PPP2R2C: variants seen among roughly 807,000 people sequenced by gnomAD.
The protein encoded by PPP2R2C is protein phosphatase 2 regulatory subunit Bgamma, also known as protein phosphatase 2, regulatory subunit B, gamma.
In PPP2R2C, 10 loss-of-function variants were observed where a neutral mutation model predicts 45.3. The ratio of observed to expected loss-of-function variants is 0.22; its 90% confidence interval spans 0.14 to 0.37. The LOEUF is 0.37. Among genes scored for constraint, PPP2R2C ranks in the 10% least tolerant of loss-of-function variants. The pLI, the probability that PPP2R2C is intolerant of heterozygous loss-of-function variation, is 1.00. For missense variants in PPP2R2C, 308 were observed against 619.7 expected, an observed-to-expected ratio of 0.50 and a Z score of 5.34; for synonymous variants, 257 against 245.4, an observed-to-expected ratio of 1.05 and a Z score of -0.44.
rs1553902584 is a variant in PPP2R2C at position 6,472,375 on chromosome 4, G to GGGGGACGGGCGGGGGCGGCC, written c.-166_-147dup. 44 of 1,069,070 alleles carry GGGGGACGGGCGGGGGCGGCC rather than the reference G, an allele frequency of 4.1e-5. No homozygotes were observed. The highest frequency in any genetic ancestry group is 4.9e-5 in the Non-Finnish European group (43 of 883,096). 66.2% of individuals were successfully genotyped at this position (1,069,070 alleles called of 1,614,324 possible). A position where few individuals can be genotyped will look rare whatever the true frequency, so the allele number is the denominator to read the frequency against. On this transcript the variant is annotated 5_prime_UTR_variant, in exon 1 of 9. Coordinates refer to ENST00000382599, the MANE Select transcript of PPP2R2C (RefSeq NM_020416.4). ...GCCCCGAAGGGAGGGCATCGCGGCA[G>GGGGGACGGGCGGGGGCGGCC]GGGGACGGGCGGGGGCGGCCGGGGG...
chr4:6,340,630 T>C (rs966302839), intron 6 of PPP2R2C, among the ~76,000 whole-genome samples: 5 of 151,634 alleles, frequency 3.3e-5, no homozygotes, highest in African/African-American at 1.2e-4. Flanking sequence ...CCACTCACTC[T>C]GCGCACCAGC....
intron 1 of PPP2R2C, among the ~76,000 whole-genome samples, chr4:6,399,722 T>G (rs918178921): frequency 2.0e-5 from 3 of 152,204 alleles, no homozygotes; most frequent in African/African-American, 7.2e-5. Flanking sequence ...CATTCTCGGA[T>G]GCTGAGAAAG....
intron 1 of PPP2R2C, among the ~76,000 whole-genome samples, chr4:6,408,281 G>A (rs1264059314): frequency 6.6e-6 from 1 of 152,196 alleles, no homozygotes; most frequent in African/African-American, 2.4e-5. Flanking sequence ...GGGGCCAAAT[G>A]TTAGATGAGC....
chr4:6,389,357 T>C (rs934397781), intron 1 of PPP2R2C, among the ~76,000 whole-genome samples: 1 of 152,118 alleles, frequency 6.6e-6, no homozygotes, highest in African/African-American at 2.4e-5. Context: ...CCATTAATGA[T>C]CCATCAGGGC....
Position 6,471,304 on chromosome 4 carries a change from G to C in PPP2R2C, c.70+856C>G, listed in dbSNP as rs540983484. On this transcript the variant is annotated intron_variant, in intron 1 of 8. Coordinates refer to ENST00000382599, the MANE Select transcript of PPP2R2C (RefSeq NM_020416.4). This position sits in a 1 kb window ranked among gnomAD's most constrained non-coding sequence, Gnocchi z 5.6. ...CTCCCGGTCCCCATCCTCCATCGGGGTCACTCCGCGGGCCCTGCCTGCGCA... is the reference window on the plus strand; with the variant it reads ...CTCCCGGTCCCCATCCTCCATCGGGCTCACTCCGCGGGCCCTGCCTGCGCA... Among the ~76,000 whole-genome samples, 2 of 152,178 alleles carry C rather than the reference G, an allele frequency of 1.3e-5. No homozygotes were observed. The highest frequency in any genetic ancestry group is 2.9e-5 in the Non-Finnish European group (2 of 68,034).
rs141432843 is a variant in PPP2R2C, at chr4:6,428,393, G to A, written c.70+43767C>T. Among the ~76,000 whole-genome samples, 173 of 152,350 alleles carry A rather than the reference G, an allele frequency of 1.1e-3. 1 individual carries two copies. The highest frequency in any genetic ancestry group is 6.0e-3 in the East Asian group (31 of 5,180). ...CCTTAAGTTTCCAAGGTCCAGCCAA[G>A]TCGATGAAAGCTGATTGCTGGTGAC... On this transcript the variant is annotated intron_variant, in intron 1 of 8. Coordinates refer to ENST00000382599, the MANE Select transcript of PPP2R2C (RefSeq NM_020416.4).
At chr4:6,474,331 G>A (rs923729845), upstream of PPP2R2C, among the ~76,000 whole-genome samples, 2 of 152,106 alleles carry the variant, frequency 1.3e-5, no homozygotes, top group African/African-American at 4.8e-5. Flanking sequence ...GGGGGCCCAG[G>A]CACAACCTCA....
At chr4:6,409,194 T>C (rs746444912) in intron 1 of PPP2R2C, among the ~76,000 whole-genome samples, 2 of 152,224 alleles carry the variant, frequency 1.3e-5, no homozygotes, top group Non-Finnish European at 2.9e-5. Context: ...AATTGTTATA[T>C]TGCAGGAAGG....
At chr4:6,440,077 G>A (rs1411149891) in intron 1 of PPP2R2C, among the ~76,000 whole-genome samples, 4 of 152,118 alleles carry the variant, frequency 2.6e-5, no homozygotes, top group Non-Finnish European at 5.9e-5. Context: ...CAGGCTGGGT[G>A]GCCCATCTTT....
At chr4:6,360,113 C>T (rs540519052) in intron 5 of PPP2R2C, among the ~76,000 whole-genome samples, 1 of 152,220 alleles carries the variant, frequency 6.6e-6, no homozygotes, top group African/African-American at 2.4e-5. Context: ...GTCAAATAGT[C>T]CACCCCTGCA....
rs749379375 is a variant in PPP2R2C, at chr4:6,329,292, T to G, written c.1022A>C (p.Lys341Thr). Residue 341 changes from lysine to threonine, a missense_variant, in exon 8 of 9, where the codon AAG becomes ACG. Physicochemically the swap from Lys to Thr is moderately conservative, Grantham distance 78 (BLOSUM62 -1). Transcript: ENST00000382599. This position sits in a 1 kb window ranked among gnomAD's most constrained non-coding sequence, Gnocchi z 5.8. ...GCTCCCGTTCCAGGCACATTCAAAC[T>G]TGTCGAAAATGCAGTCGTTCTCGTA... is the stretch of plus-strand genomic sequence containing the variant. ...SLYENDCIFD[K>T]FECAWNGSDS... 1 of 1,614,174 alleles carries G rather than the reference T, an allele frequency of 6.2e-7. No homozygotes were observed. Among genetic ancestry groups the G allele is most frequent in the Admixed American group, 1.7e-5 (1 of 60,032 alleles).
intron 6 of PPP2R2C, among the ~76,000 whole-genome samples, 194 bp from the exon 7 acceptor site, chr4:6,333,925 C>A (rs563570163): frequency 7.2e-5 from 11 of 152,200 alleles, no homozygotes; most frequent in African/African-American, 2.4e-4. Context: ...ATAGCCATTA[C>A]TATCCCCATT....
intron 1 of PPP2R2C, among the ~76,000 whole-genome samples, chr4:6,548,726 C>T (rs1426898099): frequency 6.6e-6 from 1 of 152,168 alleles, no homozygotes; most frequent in Non-Finnish European, 1.5e-5. Flanking sequence ...AGAAATCCCT[C>T]CAGGGGGCAG....
chr4:6,523,367 T>G (rs1724087290), intron 2 of PPP2R2C: 1 of 152,282 alleles, frequency 6.6e-6, no homozygotes, highest in South Asian at 2.1e-4. Context: ...CTCTGATCCT[T>G]GTTTTCCTCA....
At position 6,331,021 on chromosome 4, in the gene PPP2R2C, C is replaced by T. The variant is rs1187581500; in HGVS notation, c.961-1668G>A. Among the ~76,000 whole-genome samples, 3 of 152,196 alleles carry T rather than the reference C, an allele frequency of 2.0e-5. No homozygotes were observed. The highest frequency in any genetic ancestry group is 6.5e-5 in the Admixed American group (1 of 15,278). ...CCTTCTCTCTGGGTCCAGGGTCTAG[C>T]ACTGTGTTGGGCACAGGGTACTGGC... is the stretch of plus-strand genomic sequence containing the variant. On this transcript the variant is annotated intron_variant, in intron 7 of 8. Coordinates refer to ENST00000382599, the MANE Select transcript of PPP2R2C (RefSeq NM_020416.4). This position sits in a 1 kb window ranked among gnomAD's most constrained non-coding sequence, Gnocchi z 5.9.
At chr4:6,410,925 G>A (rs568386317) in intron 1 of PPP2R2C, among the ~76,000 whole-genome samples, 1 of 151,588 alleles carries the variant, frequency 6.6e-6, no homozygotes, top group Non-Finnish European at 1.5e-5. Flanking sequence ...ATGAAGTGCG[G>A]TGGTGCGATC....
intron 2 of PPP2R2C, among the ~76,000 whole-genome samples, chr4:6,494,060 G>A (rs2108788205): frequency 6.6e-6 from 1 of 152,340 alleles, no homozygotes; most frequent in East Asian, 1.9e-4. Flanking sequence ...CTTAGGGTCT[G>A]TCTGATTTTT....
intron 2 of PPP2R2C, among the ~76,000 whole-genome samples, chr4:6,379,556 G>A (rs1715616170): frequency 6.6e-6 from 1 of 152,216 alleles, no homozygotes; most frequent in Non-Finnish European, 1.5e-5. Context: ...AACACTAAAG[G>A]AGAAAAATTC....
At chr4:6,535,948 G>A (rs925243105) in intron 1 of PPP2R2C, among the ~76,000 whole-genome samples, 9 of 152,148 alleles carry the variant, frequency 5.9e-5, no homozygotes, top group African/African-American at 1.9e-4. Flanking sequence ...AACACCCCAC[G>A]CTGCAGTCCA....
Sources: allele counts gnomAD v4.1 joint callset (sites outside exome capture counted in the v4.1 genomes callset), GRCh38; gene constraint gnomAD v4.1.1; non-coding constraint Gnocchi (gnomAD v3.1); transcripts MANE v1.5; gene names NCBI Gene and HGNC (gene_info 2026-07-23, HGNC 2026-07-21).